The following SIPA1L1 variants were observed in gnomAD, a reference collection of about 807,000 sequenced individuals.
SIPA1L1 encodes the protein signal-induced proliferation-associated 1-like protein 1.
SIPA1L1 carries 26 observed loss-of-function variants against 162.7 expected under a neutral mutation model. That is an observed-to-expected ratio of 0.16 (90% CI 0.12 to 0.22). SIPA1L1 has a LOEUF of 0.22. Among genes scored for constraint, SIPA1L1 ranks in the 10% least tolerant of loss-of-function variants. The pLI is 1.00. For missense variants in SIPA1L1, 1,874 were observed against 2,241.0 expected (o/e 0.84, Z 3.31); for synonymous variants, 829 against 837.4 (o/e 0.99, Z 0.17).
At chr14:71,704,126 T>A (rs1053741763) in intron 15 of SIPA1L1, among the ~76,000 whole-genome samples, 13 of 152,212 alleles carry the variant, frequency 8.5e-5, no homozygotes, top group African/African-American at 3.1e-4. Flanking sequence ...AAATAATTTT[T>A]AAAATAATTT....
chr14:71,649,016 G>C (rs750813140), intron 7 of SIPA1L1, among the ~76,000 whole-genome samples: 54 of 152,174 alleles, frequency 3.5e-4, no homozygotes, highest in Admixed American at 2.6e-4. Context: ...AACACTGCAC[G>C]TAGTGCCTGG....
intron 10 of SIPA1L1, among the ~76,000 whole-genome samples, chr14:71,665,228 C>T (rs1040408022): frequency 6.6e-6 from 1 of 152,000 alleles, no homozygotes; most frequent in Non-Finnish European, 1.5e-5. Context: ...TACTCTGGAC[C>T]CTGGGATATA....
intron 4 of SIPA1L1, among the ~76,000 whole-genome samples, chr14:71,584,729 A>C (rs2034366970): frequency 6.6e-6 from 1 of 152,254 alleles, no homozygotes; most frequent in Non-Finnish European, 1.5e-5. Flanking sequence ...TATTCTAGCT[A>C]CCTGGATCTA....
intron 7 of SIPA1L1, among the ~76,000 whole-genome samples, chr14:71,642,165 G>A (rs2041778666): frequency 6.6e-6 from 1 of 152,184 alleles, no homozygotes. Flanking sequence ...TTGGACATCA[G>A]GCATTGAAGG....
intron 10 of SIPA1L1, among the ~76,000 whole-genome samples, chr14:71,662,600 C>T (rs1487986840): frequency 2.0e-5 from 3 of 152,274 alleles, no homozygotes; most frequent in Middle Eastern, 3.4e-3. Flanking sequence ...CTCTTAACCA[C>T]GCTGCTATGC....
chr14:71,620,586 G>A (rs1015887538), intron 6 of SIPA1L1, among the ~76,000 whole-genome samples: 1 of 151,978 alleles, frequency 6.6e-6, no homozygotes, highest in Non-Finnish European at 1.5e-5. Flanking sequence ...GATTCTTTCT[G>A]AGTCAGATCC....
intron 2 of SIPA1L1, among the ~76,000 whole-genome samples, chr14:71,345,562 C>T (rs2036070390): frequency 6.6e-6 from 1 of 151,564 alleles, no homozygotes; most frequent in Admixed American, 6.6e-5. Flanking sequence ...CTTGATTTTT[C>T]CCACAGCTTA....
At position 71,685,353 on chromosome 14, in the gene SIPA1L1, C is replaced by G; in HGVS notation, c.3105-9C>G. 1 of 1,613,492 alleles carries G rather than the reference C, an allele frequency of 6.2e-7. No homozygotes were observed. The highest frequency in any genetic ancestry group is 8.5e-7 in the Non-Finnish European group (1 of 1,179,522). ...CATTGTGTTTCTCCCTGTGCCTTGC[C>G]CCTAATAGGAGTTGCTCTGAAACCT... On this transcript the variant is annotated splice_polypyrimidine_tract_variant and intron_variant, in intron 12 of 23. Coordinates refer to ENST00000381232, the MANE Select transcript of SIPA1L1 (RefSeq NM_001386936.1).
intron 4 of SIPA1L1, among the ~76,000 whole-genome samples, chr14:71,530,416 CT>C (rs1424881738): frequency 6.7e-6 from 1 of 149,438 alleles, no homozygotes; most frequent in African/African-American, 2.5e-5. Flanking sequence ...GTCTTGGATA[CT>C]GGCAGACTCA....
intron 7 of SIPA1L1, among the ~76,000 whole-genome samples, chr14:71,647,496 A>G (rs772029215): frequency 6.6e-6 from 1 of 152,100 alleles, no homozygotes; most frequent in Non-Finnish European, 1.5e-5. Context: ...CCACAAATTC[A>G]GTGTCGCTGT....
At chr14:71,556,805 A>C (rs1241866582) in intron 4 of SIPA1L1, among the ~76,000 whole-genome samples, 1 of 152,260 alleles carries the variant, frequency 6.6e-6, no homozygotes, top group Admixed American at 6.5e-5. Flanking sequence ...AACCGTGTAG[A>C]AATGTGATTG....
chr14:71,720,737 A>C (rs1278924231), intron 17 of SIPA1L1, among the ~76,000 whole-genome samples: 1 of 151,696 alleles, frequency 6.6e-6, no homozygotes, highest in African/African-American at 2.4e-5. Context: ...AAACTGATAC[A>C]TTTTTCACTT....
At chr14:71,480,317 C>T (rs1235587567) in intron 2 of SIPA1L1, among the ~76,000 whole-genome samples, 2 of 151,202 alleles carry the variant, frequency 1.3e-5, no homozygotes, top group African/African-American at 4.9e-5. Context: ...ACTCCTGAGT[C>T]ACCTCAGTTG....
chr14:71,645,715 A>G (rs185290764), intron 7 of SIPA1L1, among the ~76,000 whole-genome samples: 99 of 152,290 alleles, frequency 6.5e-4, no homozygotes, highest in African/African-American at 2.1e-3. Flanking sequence ...TGATTCATGC[A>G]AAAGTGCCAG....
intron 2 of SIPA1L1, among the ~76,000 whole-genome samples, chr14:71,363,362 C>G (rs2037986224): frequency 6.6e-6 from 1 of 152,118 alleles, no homozygotes; most frequent in African/African-American, 2.4e-5. Flanking sequence ...GGGAACTATG[C>G]CAAACAAAGA....
chr14:71,709,035 C>CT (rs2082678894), intron 16 of SIPA1L1, among the ~76,000 whole-genome samples, 187 bp from the exon 17 acceptor site: 1 of 151,856 alleles, frequency 6.6e-6, no homozygotes. Flanking sequence ...TTCTAGTACC[C>CT]TTTACCATGG....
At chr14:71,540,943 A>C (rs1353102663) in intron 4 of SIPA1L1, among the ~76,000 whole-genome samples, 1 of 152,158 alleles carries the variant, frequency 6.6e-6, no homozygotes, top group East Asian at 1.9e-4. Context: ...CCTGGCCAAC[A>C]TGGTGAAACC....
At chr14:71,390,136 C>T (rs989075386) in intron 2 of SIPA1L1, among the ~76,000 whole-genome samples, 11 of 152,104 alleles carry the variant, frequency 7.2e-5, no homozygotes, top group African/African-American at 2.7e-4. Flanking sequence ...AAAAATGGTC[C>T]AGAAACCTGT....
At chr14:71,378,012 A>T (rs370611657) in intron 2 of SIPA1L1, among the ~76,000 whole-genome samples, 51 of 152,128 alleles carry the variant, frequency 3.4e-4, no homozygotes, top group Admixed American at 1.1e-3. Flanking sequence ...AAAGAAGGAG[A>T]GGGAGAGGGA....
Sources: allele counts gnomAD v4.1 joint callset (sites outside exome capture counted in the v4.1 genomes callset), GRCh38; gene constraint gnomAD v4.1.1; transcripts MANE v1.5; gene names NCBI Gene and HGNC (gene_info 2026-07-23, HGNC 2026-07-21).